MYO9A: variants seen among roughly 807,000 people sequenced by gnomAD.
MYO9A encodes myosin IXA.
MYO9A carries 103 observed loss-of-function variants against 293.3 expected under a neutral mutation model. That is an observed-to-expected ratio of 0.35 (90% CI 0.30 to 0.41). The LOEUF (loss-of-function observed/expected upper bound fraction) is 0.41. Ranked by LOEUF, MYO9A falls within the 10% of genes least tolerant of loss-of-function variation. The pLI is 1.00. For synonymous variants in MYO9A, 1,001 were observed against 1,035.7 expected, an observed-to-expected ratio of 0.97 and a Z score of 0.64; for missense variants, 2,685 against 3,033.0, an observed-to-expected ratio of 0.89 and a Z score of 2.69.
intron 6 of MYO9A, among the ~76,000 whole-genome samples, chr15:72,016,225 A>G (rs1288928860): frequency 6.6e-6 from 1 of 152,196 alleles, no homozygotes; most frequent in Non-Finnish European, 1.5e-5. Context: ...AGATACTTAT[A>G]TATACATTTA....
chr15:72,065,906 G>A (rs1452489836), intron 1 of MYO9A, among the ~76,000 whole-genome samples: 2 of 152,142 alleles, frequency 1.3e-5, no homozygotes, highest in African/African-American at 4.8e-5. Flanking sequence ...TACATGCATT[G>A]AAGACTTATA....
intron 1 of MYO9A, among the ~76,000 whole-genome samples, chr15:72,101,007 G>A (rs1283482923): frequency 1.5e-5 from 2 of 134,172 alleles, no homozygotes; most frequent in East Asian, 2.4e-4. Context: ...CGCCCCGTCC[G>A]GGAGGGAGGT....
intron 2 of MYO9A, among the ~76,000 whole-genome samples, chr15:72,042,219 G>A (rs531299449): frequency 2.0e-5 from 3 of 146,488 alleles, no homozygotes; most frequent in Non-Finnish European, 4.5e-5. Flanking sequence ...GGAAAACAAT[G>A]TTAGGCATGA....
intron 13 of MYO9A, among the ~76,000 whole-genome samples, chr15:71,966,924 T>TTCTCTAAG (rs1307105993): frequency 6.6e-6 from 1 of 152,086 alleles, no homozygotes; most frequent in Non-Finnish European, 1.5e-5. Flanking sequence ...CCCCTGTCTA[T>TTCTCTAAG]TCTCTAAGTT....
chr15:71,995,440 T>C (rs1397831663), intron 9 of MYO9A, among the ~76,000 whole-genome samples: 1 of 152,166 alleles, frequency 6.6e-6, no homozygotes, highest in African/African-American at 2.4e-5. Flanking sequence ...AATTTATTTT[T>C]TCCTCACTCT....
chr15:71,853,811 A>G (rs1201095939), intron 35 of MYO9A, among the ~76,000 whole-genome samples: 1 of 152,208 alleles, frequency 6.6e-6, no homozygotes, highest in African/African-American at 2.4e-5. Context: ...TAGGCAGGCA[A>G]GAAGATGATA....
intron 14 of MYO9A, among the ~76,000 whole-genome samples, chr15:71,956,038 G>A (rs776898539): frequency 5.9e-5 from 9 of 151,434 alleles, no homozygotes; most frequent in Admixed American, 1.3e-4. Flanking sequence ...ATGGTGGCTC[G>A]CACCTGTAAT....
At chr15:71,866,306 C>T (rs1234784883) in intron 32 of MYO9A, among the ~76,000 whole-genome samples, 2 of 151,988 alleles carry the variant, frequency 1.3e-5, no homozygotes, top group African/African-American at 4.8e-5. Flanking sequence ...TGATCTAGTA[C>T]AAAAGGATAT....
intron 39 of MYO9A, among the ~76,000 whole-genome samples, chr15:71,843,570 C>T (rs946164771): frequency 6.6e-6 from 1 of 152,182 alleles, no homozygotes; most frequent in Admixed American, 6.5e-5. Context: ...CTCACTGCAA[C>T]CTCTGCTTCT....
intron 15 of MYO9A, among the ~76,000 whole-genome samples, chr15:71,944,524 T>A (rs1301399496): frequency 6.6e-6 from 1 of 152,204 alleles, no homozygotes; most frequent in East Asian, 1.9e-4. Flanking sequence ...CAAAATTAAC[T>A]TACATGTATG....
At chr15:71,863,652 A>C (rs1466361522) in intron 32 of MYO9A, among the ~76,000 whole-genome samples, 1 of 152,136 alleles carries the variant, frequency 6.6e-6, no homozygotes, top group Non-Finnish European at 1.5e-5. Context: ...AAGGAATATA[A>C]TTTTTTAATT....
chr15:71,876,108 A>G (rs973964561), intron 31 of MYO9A, among the ~76,000 whole-genome samples: 7 of 152,182 alleles, frequency 4.6e-5, no homozygotes, highest in African/African-American at 1.7e-4. Context: ...AGCCACCGCC[A>G]TATTAATTTA....
chr15:71,930,516 G>A (rs1227193005), intron 18 of MYO9A, among the ~76,000 whole-genome samples: 1 of 151,998 alleles, frequency 6.6e-6, no homozygotes, highest in East Asian at 1.9e-4. Context: ...GATAACTACT[G>A]TTGCTCTCTT....
At chr15:71,889,781 C>T (rs2057126414) in intron 26 of MYO9A, 1 of 152,094 alleles carries the variant, frequency 6.6e-6, no homozygotes, top group African/African-American at 2.4e-5. Context: ...AGGAACTACA[C>T]CACAAAAAAG....
intron 2 of MYO9A, among the ~76,000 whole-genome samples, chr15:72,040,608 T>C (rs2149580058): frequency 6.6e-6 from 1 of 152,338 alleles, no homozygotes; most frequent in African/African-American, 2.4e-5. Context: ...TATTTTCCGT[T>C]TTTTTGAGAC....
chr15:71,981,785 C>G (rs957171152), intron 11 of MYO9A, among the ~76,000 whole-genome samples: 1 of 151,744 alleles, frequency 6.6e-6, no homozygotes, highest in Non-Finnish European at 1.5e-5. Context: ...TTAATTTCCT[C>G]TTTTATCTCT....
At chr15:72,115,052 C>T (rs1186432087) in intron 1 of MYO9A, among the ~76,000 whole-genome samples, 2 of 152,116 alleles carry the variant, frequency 1.3e-5, no homozygotes, top group African/African-American at 2.4e-5. Context: ...CCCTCAGGAA[C>T]TATATACTAC....
intron 1 of MYO9A, among the ~76,000 whole-genome samples, chr15:72,107,467 T>C (rs1050409680): frequency 3.9e-5 from 6 of 152,182 alleles, no homozygotes; most frequent in African/African-American, 1.4e-4. Flanking sequence ...GAGAATCACT[T>C]GAACCCCGGA....
In MYO9A at chr15:71,907,293, G is replaced by A. The variant is rs866715422; in HGVS notation, c.2686-2287C>T. Among the ~76,000 whole-genome samples, 1,034 of 148,244 alleles carry A rather than the reference G, an allele frequency of 7.0e-3. 14 individuals are homozygous for A. Among genetic ancestry groups the A allele is most frequent in the African/African-American group, 0.024 (957 of 39,598 alleles). ...TGAACTCATCATTTTTTATGGCTGC[G>A]TAGTATTCCATGGTGTATATGTGCC... On this transcript the variant is annotated intron_variant, in intron 19 of 41. Coordinates refer to ENST00000356056, the MANE Select transcript of MYO9A (RefSeq NM_006901.4).
Sources: gnomAD v4.1 joint callset for allele counts (sites outside exome capture counted in the v4.1 genomes callset) on GRCh38, gnomAD v4.1.1 for gene constraint, MANE v1.5 for transcripts, NCBI Gene and HGNC (gene_info 2026-07-23, HGNC 2026-07-21) for gene names.